Variants in INPP4B observed in about 807,000 individuals in gnomAD.
The protein encoded by INPP4B is inositol polyphosphate 4-phosphatase type II.
INPP4B carries 55 observed loss-of-function variants against 122.5 expected under a neutral mutation model. The ratio of observed to expected loss-of-function variants is 0.45; its 90% confidence interval spans 0.36 to 0.56. INPP4B has a LOEUF of 0.56. Ranked by LOEUF, INPP4B falls within the 20% of genes least tolerant of loss-of-function variation. The pLI, the probability that INPP4B is intolerant of heterozygous loss-of-function variation, is 0.00. For missense variants in INPP4B, 1,000 were observed against 1,097.7 expected (o/e 0.91, Z 1.26); for synonymous variants, 403 against 388.7 (o/e 1.04, Z -0.43).
At chr4:142,692,934 G>GATAGATAGATAGATAGATAC (rs1406520603) in intron 2 of INPP4B, among the ~76,000 whole-genome samples, 9 of 150,292 alleles carry the variant, frequency 6.0e-5, no homozygotes, top group African/African-American at 2.2e-4. Flanking sequence ...TAGATAGATA[G>GATAGATAGATAGATAGATAC]ATACATAGAT....
chr4:142,679,905 A>G lies in INPP4B; in HGVS notation c.-191+45934T>C, dbSNP rs568563695. On this transcript the variant is annotated intron_variant, in intron 2 of 25. Coordinates refer to ENST00000262992, the MANE Select transcript of INPP4B (RefSeq NM_001101669.3). ...TACTCCCTGTGTCAAAACGTTAAAA[A>G]AAAAATAGATACCCTACGGTATTAT... Among the ~76,000 whole-genome samples, 24 of 151,978 alleles carry G rather than the reference A, an allele frequency of 1.6e-4. No homozygotes were observed. In the East Asian group the frequency reaches 4.3e-3, roughly 27 times the overall value.
intron 2 of INPP4B, among the ~76,000 whole-genome samples, chr4:142,520,408 A>C (rs1560750505): frequency 6.6e-6 from 1 of 151,944 alleles, no homozygotes; most frequent in Non-Finnish European, 1.5e-5. Context: ...TACATTTATA[A>C]ATTATTGAAG....
chr4:142,152,854 A>G (rs780305820), intron 17 of INPP4B, among the ~76,000 whole-genome samples: 2 of 152,210 alleles, frequency 1.3e-5, no homozygotes, highest in Non-Finnish European at 1.5e-5. Context: ...TCTTACTTAA[A>G]TGAGATGATA....
chr4:142,577,819 C>G (rs746916459), intron 2 of INPP4B, among the ~76,000 whole-genome samples: 5 of 151,952 alleles, frequency 3.3e-5, no homozygotes, highest in Non-Finnish European at 5.9e-5. Flanking sequence ...TCAGCGGATG[C>G]CCTCAGCTGC....
intron 2 of INPP4B, among the ~76,000 whole-genome samples, chr4:142,589,689 G>A (rs1167708342): frequency 6.6e-6 from 1 of 152,076 alleles, no homozygotes; most frequent in African/African-American, 2.4e-5. Flanking sequence ...AATACAAAAT[G>A]TTACCACTAC....
chr4:142,747,809 G>T (rs892980258), intron 1 of INPP4B, among the ~76,000 whole-genome samples: 1 of 152,040 alleles, frequency 6.6e-6, no homozygotes, highest in South Asian at 2.1e-4. Context: ...TCATAACTGG[G>T]AGGTGAACAA....
chr4:142,509,292 A>G (rs1274113436), intron 2 of INPP4B, among the ~76,000 whole-genome samples: 3 of 152,184 alleles, frequency 2.0e-5, no homozygotes, highest in East Asian at 3.9e-4. Flanking sequence ...GGTTTGTTAC[A>G]TAGGTATACA....
At chr4:142,745,440 G>GA (rs1768568344) in intron 1 of INPP4B, among the ~76,000 whole-genome samples, 1 of 151,844 alleles carries the variant, frequency 6.6e-6, no homozygotes, top group East Asian at 1.9e-4. Context: ...AATATTTGTG[G>GA]AAAAAAATCG....
intron 2 of INPP4B, among the ~76,000 whole-genome samples, chr4:142,540,012 C>G (rs972494852): frequency 1.3e-5 from 2 of 151,988 alleles, no homozygotes; most frequent in Non-Finnish European, 2.9e-5. Context: ...CTTTTTCTGT[C>G]CTTTTTAACT....
chr4:142,592,429 T>A (rs1274537426), intron 2 of INPP4B, among the ~76,000 whole-genome samples: 2 of 152,146 alleles, frequency 1.3e-5, no homozygotes, highest in Non-Finnish European at 2.9e-5. Context: ...ACAGATACTT[T>A]CAAATAAAAA....
At chr4:142,779,696 G>T (rs1166018344) in intron 1 of INPP4B, among the ~76,000 whole-genome samples, 6 of 151,670 alleles carry the variant, frequency 4.0e-5, no homozygotes, top group Admixed American at 2.0e-4. Context: ...AGATCAGGAG[G>T]GTATATCTGG....
At chr4:142,609,927 G>A (rs1742113493) in intron 2 of INPP4B, among the ~76,000 whole-genome samples, 1 of 152,158 alleles carries the variant, frequency 6.6e-6, no homozygotes, top group South Asian at 2.1e-4. Flanking sequence ...CTTTCTAGAT[G>A]ATGGATATGT....
At chr4:142,281,706 G>A (rs1398702331) in intron 9 of INPP4B, among the ~76,000 whole-genome samples, 1 of 151,896 alleles carries the variant, frequency 6.6e-6, no homozygotes, top group Non-Finnish European at 1.5e-5. Context: ...AATTCACTGA[G>A]CTTTAAATTA....
intron 1 of INPP4B, among the ~76,000 whole-genome samples, chr4:142,761,024 A>G (rs1580853661): frequency 6.6e-6 from 1 of 152,084 alleles, no homozygotes; most frequent in East Asian, 1.9e-4. Context: ...TTTCTTATTT[A>G]TTTGTATTCT....
chr4:142,059,146 T>G (rs796531222), intron 25 of INPP4B, among the ~76,000 whole-genome samples: 4 of 152,302 alleles, frequency 2.6e-5, no homozygotes, highest in African/African-American at 7.2e-5. Context: ...TTATTGTCAA[T>G]ACAACCCAGT....
chr4:142,594,230 A>C (rs914031578), intron 2 of INPP4B, among the ~76,000 whole-genome samples: 2 of 152,142 alleles, frequency 1.3e-5, no homozygotes, highest in Non-Finnish European at 2.9e-5. Flanking sequence ...TTCCCAGTGT[A>C]GATCTTTATT....
intron 5 of INPP4B, among the ~76,000 whole-genome samples, chr4:142,420,196 T>A (rs918261800): frequency 3.9e-5 from 6 of 152,144 alleles, no homozygotes; most frequent in Non-Finnish European, 5.9e-5. Context: ...CCTGTGAAGT[T>A]AAACCTGATT....
intron 2 of INPP4B, among the ~76,000 whole-genome samples, chr4:142,515,048 A>C (rs1431757253): frequency 6.6e-6 from 1 of 152,126 alleles, no homozygotes; most frequent in East Asian, 1.9e-4. Flanking sequence ...TGCATGCCTC[A>C]GCCTCCCAAA....
intron 5 of INPP4B, among the ~76,000 whole-genome samples, chr4:142,428,845 A>T (rs916796950): frequency 6.6e-6 from 1 of 151,998 alleles, no homozygotes; most frequent in African/African-American, 2.4e-5. Context: ...GTCCAGGTAT[A>T]GAAAATTAGA....
Sources: allele counts gnomAD v4.1 joint callset (sites outside exome capture counted in the v4.1 genomes callset), GRCh38; gene constraint gnomAD v4.1.1; transcripts MANE v1.5; gene names NCBI Gene and HGNC (gene_info 2026-07-23, HGNC 2026-07-21).